NUP155: variants seen among roughly 807,000 people sequenced by gnomAD.
NUP155 encodes the protein nuclear pore complex protein Nup155.
NUP155 carries 71 observed loss-of-function variants against 180.4 expected under a neutral mutation model. The ratio of observed to expected loss-of-function variants is 0.39; its 90% confidence interval spans 0.33 to 0.48. The LOEUF (loss-of-function observed/expected upper bound fraction) is 0.48. Ranked by LOEUF, NUP155 falls within the 20% of genes least tolerant of loss-of-function variation. NUP155 has a pLI of 0.91. For missense variants in NUP155, 1,553 were observed against 1,648.9 expected (o/e 0.94, Z 1.01); for synonymous variants, 582 against 559.5 (o/e 1.04, Z -0.57).
intron 31 of NUP155, 94 bp downstream of exon 31, chr5:37,299,354 T>C (rs1231445054): frequency 1.4e-6 from 2 of 1,461,496 alleles, no homozygotes; most frequent in Non-Finnish European, 1.9e-6. Flanking sequence ...CATGAGCCAC[T>C]AGCAGCTTGC....
chr5:37,326,112 G>C (rs1744586534), intron 18 of NUP155, 145 bp from the exon 19 acceptor site: 1 of 650,984 alleles, frequency 1.5e-6, no homozygotes, highest in African/African-American at 1.8e-5. Flanking sequence ...CTATCTAGAA[G>C]AGTGGAATAC....
intron 32 of NUP155, among the ~76,000 whole-genome samples, chr5:37,298,415 A>T (rs1742699293): frequency 6.6e-6 from 1 of 152,162 alleles, no homozygotes; most frequent in Non-Finnish European, 1.5e-5. Context: ...CTTATTTAAA[A>T]ATTATAGCCA....
In NUP155 at chr5:37,304,736, T is replaced by C. The variant is rs1409850954; in HGVS notation, c.3162+3A>G. The C allele has an allele frequency of 6.3e-7, 1 of 1,580,902 alleles. No homozygotes were observed. Among genetic ancestry groups the C allele is most frequent in the African/African-American group, 1.3e-5 (1 of 74,174 alleles). On this transcript the variant is annotated splice_donor_region_variant and intron_variant, in intron 27 of 34. Transcript: ENST00000231498. ...AACACAACTGCAATAAAAAAAGATT[T>C]ACCTGTAGCAGCTTATCTGCAAGGT...
In NUP155 at chr5:37,359,039, T is replaced by C. The variant is rs1489927852; in HGVS notation, c.393-888A>G. Among the ~76,000 whole-genome samples the C allele has an allele frequency of 4.0e-5, 6 of 150,220 alleles. No homozygotes were observed. The East Asian group carries it at 5.9e-4, about 15-fold the overall frequency. On this transcript the variant is annotated intron_variant, in intron 3 of 34. Coordinates refer to ENST00000231498, the MANE Select transcript of NUP155 (RefSeq NM_153485.3). ...CAAAAAAAAAAAAGACTGGGAGAGG[T>C]GGCTCATGCCTGTAATCTCAGCACT...
In NUP155 at chr5:37,305,128, G is replaced by A. The variant is rs139217838; in HGVS notation, c.2986C>T (p.Pro996Ser). ...AACACTGGAGGACCAGGTTTTTTGGGTACACTGGGAGACTGAGGAGCGGCC... is the reference window on the plus strand; with the variant it reads ...AACACTGGAGGACCAGGTTTTTTGGATACACTGGGAGACTGAGGAGCGGCC... ...SKAAPQSPSVPKKPGPPVLSS... is the reference protein window; with the variant it reads ...SKAAPQSPSVSKKPGPPVLSS... Residue 996 changes from proline to serine, a missense_variant, in exon 26 of 35, where the codon CCC (proline) becomes TCC (serine). Coordinates refer to ENST00000231498, the MANE Select transcript of NUP155 (RefSeq NM_153485.3). The A allele has an allele frequency of 1.2e-6, 2 of 1,613,852 alleles. No individual in the cohort carries two copies. The highest frequency in any genetic ancestry group is 1.7e-6 in the Non-Finnish European group (2 of 1,179,980).
In NUP155 at chr5:37,290,631, G is replaced by C. The variant is rs1372457012; in HGVS notation, c.*1269C>G. 2 of 152,122 alleles carry C rather than the reference G, an allele frequency of 1.3e-5. No individual in the cohort carries two copies. Among genetic ancestry groups the C allele is most frequent in the Non-Finnish European group, 2.9e-5 (2 of 68,034 alleles). 9.4% of individuals were successfully genotyped at this position (152,122 alleles called of 1,614,324 possible). On this transcript the variant is annotated 3_prime_UTR_variant, in exon 35 of 35. Transcript: ENST00000231498. Reference sequence around the variant, plus strand: ...TAAAAAGTACATTACTAACAGTTTTGCTTTATATATTGTGTGCCTTGGGCA... The same window carrying C: ...TAAAAAGTACATTACTAACAGTTTTCCTTTATATATTGTGTGCCTTGGGCA...
At chr5:37,343,923 T>C (rs1745909822) in intron 9 of NUP155, among the ~76,000 whole-genome samples, 1 of 152,132 alleles carries the variant, frequency 6.6e-6, no homozygotes, top group African/African-American at 2.4e-5. Context: ...AATGGATCTT[T>C]ATAATGTAGA....
chr5:37,331,626 T>A, intron 14 of NUP155, 59 bp downstream of exon 14: 1 of 896,052 alleles, frequency 1.1e-6, no homozygotes. Flanking sequence ...TTACATAAAC[T>A]ATGACTCCCA....
At chr5:37,306,316 C>G (rs1251040208) in intron 25 of NUP155, among the ~76,000 whole-genome samples, 6 of 152,210 alleles carry the variant, frequency 3.9e-5, no homozygotes, top group African/African-American at 1.2e-4. Flanking sequence ...AGGAGGATCA[C>G]TGGATCACTT....
At chr5:37,296,279 T>G (rs1275574970) in intron 32 of NUP155, among the ~76,000 whole-genome samples, 3 of 152,132 alleles carry the variant, frequency 2.0e-5, no homozygotes, top group East Asian at 1.9e-4. Context: ...ATGGTTGCCG[T>G]GTCTGTATAG....
intron 29 of NUP155, among the ~76,000 whole-genome samples, chr5:37,302,537 A>G (rs1742921326): frequency 6.6e-6 from 1 of 152,200 alleles, no homozygotes; most frequent in Non-Finnish European, 1.5e-5. Flanking sequence ...CCCAGCTGGG[A>G]AAAACCTTTC....
intron 5 of NUP155, among the ~76,000 whole-genome samples, chr5:37,352,051 C>T (rs965859160): frequency 6.6e-6 from 1 of 151,332 alleles, no homozygotes; most frequent in African/African-American, 2.4e-5. Context: ...GAAGACACCC[C>T]GTCTCTTCTA....
chr5:37,322,108 C>T (rs546608093), intron 20 of NUP155, among the ~76,000 whole-genome samples: 1 of 152,116 alleles, frequency 6.6e-6, no homozygotes, highest in Non-Finnish European at 1.5e-5. Context: ...CCTGCCTCAG[C>T]CTCCCAAAGT....
intron 32 of NUP155, among the ~76,000 whole-genome samples, chr5:37,295,505 C>T (rs1401040991): frequency 1.3e-5 from 2 of 151,832 alleles, no homozygotes; most frequent in African/African-American, 4.8e-5. Flanking sequence ...TGCCTGGCCG[C>T]CCATCGTCTG....
intron 4 of NUP155, among the ~76,000 whole-genome samples, chr5:37,353,081 CTT>C (rs1325357459): frequency 6.6e-6 from 1 of 151,718 alleles, no homozygotes; most frequent in African/African-American, 2.4e-5. Flanking sequence ...AAAACAATCA[CTT>C]CAGTATTTAA....
intron 25 of NUP155, among the ~76,000 whole-genome samples, chr5:37,306,704 A>G (rs1305555069): frequency 2.0e-5 from 3 of 151,936 alleles, no homozygotes; most frequent in South Asian, 2.1e-4. Flanking sequence ...TGACCTCATG[A>G]TCTGCCCACC....
intron 34 of NUP155, among the ~76,000 whole-genome samples, chr5:37,292,372 C>G (rs983464492): frequency 6.6e-6 from 1 of 151,982 alleles, no homozygotes; most frequent in Non-Finnish European, 1.5e-5. Context: ...CCCGCCACCA[C>G]GCCCAGCTAA....
At position 37,292,040 on chromosome 5, in the gene NUP155, T is replaced by C; in HGVS notation, c.4038-2A>G. 1 of 1,613,996 alleles carries C rather than the reference T, an allele frequency of 6.2e-7. No individual in the cohort carries two copies. The highest frequency in any genetic ancestry group is 8.5e-7 in the Non-Finnish European group (1 of 1,179,894). On this transcript the variant is annotated splice_acceptor_variant, in intron 34 of 34. Transcript: ENST00000231498. LOFTEE classifies it high-confidence loss of function. ...AGGCAGAGATTTGTAAATCTTCTCC[T>C]ACAACGAAAAAGACACATGATTAAT... is the stretch of plus-strand genomic sequence containing the variant.
chr5:37,346,863 T>C (rs1746124546), intron 9 of NUP155, among the ~76,000 whole-genome samples: 1 of 152,174 alleles, frequency 6.6e-6, no homozygotes, highest in Non-Finnish European at 1.5e-5. Flanking sequence ...TACTACAACT[T>C]TGAAATATTG....
Sources: gnomAD v4.1 joint callset for allele counts (sites outside exome capture counted in the v4.1 genomes callset) on GRCh38, gnomAD v4.1.1 for gene constraint, MANE v1.5 for transcripts, NCBI Gene and HGNC (gene_info 2026-07-23, HGNC 2026-07-21) for gene names.